MCHR2: variants seen among roughly 807,000 people sequenced by gnomAD.
The protein encoded by MCHR2 is melanin concentrating hormone receptor 2.
In MCHR2, 15 loss-of-function variants were observed where a neutral mutation model predicts 24.8. That is an observed-to-expected ratio of 0.60 (90% CI 0.40 to 0.93). MCHR2 has a LOEUF of 0.93. MCHR2 is among the 40% of genes least tolerant of loss of function. The pLI, the probability that MCHR2 is intolerant of heterozygous loss-of-function variation, is 0.00. For synonymous variants in MCHR2, 151 were observed against 147.6 expected (o/e 1.02, Z -0.17); for missense variants, 386 against 408.7 (o/e 0.94, Z 0.48).
At chr6:99,956,490 A>G (rs979567198) in intron 1 of MCHR2, among the ~76,000 whole-genome samples, 2 of 152,116 alleles carry the variant, frequency 1.3e-5, no homozygotes, top group African/African-American at 4.8e-5. Flanking sequence ...TTGTTTACAG[A>G]TCACGTCTAT....
At chr6:99,968,912 A>G (rs1775342536) in intron 1 of MCHR2, among the ~76,000 whole-genome samples, 1 of 152,186 alleles carries the variant, frequency 6.6e-6, no homozygotes, top group Non-Finnish European at 1.5e-5. Flanking sequence ...ATTTAAAAAT[A>G]TATTGAACTG....
At chr6:99,947,675 C>T (rs1400807059) in intron 3 of MCHR2, 87 bp downstream of exon 3, 4 of 1,389,926 alleles carry the variant, frequency 2.9e-6, no homozygotes, top group Admixed American at 2.1e-5. Context: ...CTGTTATAAA[C>T]CAAAACTGGT....
At chr6:99,976,493 G>T (rs1775554431) in intron 1 of MCHR2, among the ~76,000 whole-genome samples, 1 of 152,232 alleles carries the variant, frequency 6.6e-6, no homozygotes, top group Admixed American at 6.5e-5. Context: ...GAGCAGAACT[G>T]CTGTAGGCCC....
chr6:99,967,296 AC>A (rs1775312844), intron 1 of MCHR2, among the ~76,000 whole-genome samples: 1 of 152,142 alleles, frequency 6.6e-6, no homozygotes, highest in African/African-American at 2.4e-5. Context: ...ATTCATGATG[AC>A]TAGGACAAGC....
chr6:99,942,019 G>T (rs1774780621), intron 4 of MCHR2, among the ~76,000 whole-genome samples: 1 of 152,028 alleles, frequency 6.6e-6, no homozygotes, highest in Non-Finnish European at 1.5e-5. Context: ...CACAGTTATT[G>T]GTCATTGGTA....
At chr6:99,975,380 A>C (rs1775527918) in intron 1 of MCHR2, among the ~76,000 whole-genome samples, 1 of 152,200 alleles carries the variant, frequency 6.6e-6, no homozygotes. Flanking sequence ...AGCCAGGTGC[A>C]GGATATAATC....
At chr6:99,940,463 T>C (rs533534268) in intron 4 of MCHR2, among the ~76,000 whole-genome samples, 50 of 152,282 alleles carry the variant, frequency 3.3e-4, no homozygotes, top group African/African-American at 1.1e-3. Flanking sequence ...GTTAAATTTC[T>C]CTGATATATT....
At chr6:99,940,524 C>T (rs941702657) in intron 4 of MCHR2, among the ~76,000 whole-genome samples, 2 of 151,922 alleles carry the variant, frequency 1.3e-5, no homozygotes, top group Non-Finnish European at 2.9e-5. Context: ...TCCTAAAAAC[C>T]ACTATTTTGA....
At chr6:99,927,498 CT>C (rs1774394659) in intron 5 of MCHR2, among the ~76,000 whole-genome samples, 1 of 152,082 alleles carries the variant, frequency 6.6e-6, no homozygotes, top group South Asian at 2.1e-4. Context: ...TCTTTGTATC[CT>C]CTTTTATTTC....
At chr6:99,928,984 A>C (rs892725333) in intron 5 of MCHR2, among the ~76,000 whole-genome samples, 54 of 151,530 alleles carry the variant, frequency 3.6e-4, no homozygotes, top group Non-Finnish European at 7.1e-4. Context: ...TAGTGCTATA[A>C]ATTTCCCTCT....
At chr6:99,950,529 A>G (rs1562124940) in intron 2 of MCHR2, among the ~76,000 whole-genome samples, 1 of 152,150 alleles carries the variant, frequency 6.6e-6, no homozygotes, top group Admixed American at 6.5e-5. Flanking sequence ...AAATTATGGT[A>G]TTTCCACACT....
intron 1 of MCHR2, among the ~76,000 whole-genome samples, chr6:99,967,508 A>G (rs760344063): frequency 3.5e-4 from 54 of 152,194 alleles, no homozygotes; most frequent in Non-Finnish European, 6.3e-4. Flanking sequence ...CATAAACCCT[A>G]AAATAATTAT....
intron 5 of MCHR2, among the ~76,000 whole-genome samples, chr6:99,930,182 C>T (rs1176914242): frequency 6.6e-6 from 1 of 152,152 alleles, no homozygotes; most frequent in Non-Finnish European, 1.5e-5. Flanking sequence ...TTTCTCCTGG[C>T]TTGTAGGGTT....
At chr6:99,925,851 T>C (rs961020213) in intron 5 of MCHR2, among the ~76,000 whole-genome samples, 1 of 151,500 alleles carries the variant, frequency 6.6e-6, no homozygotes, top group African/African-American at 2.4e-5. Flanking sequence ...ATTATTATTA[T>C]ACTTTAAGTT....
At chr6:99,992,719 T>G (rs1775908562) in intron 1 of MCHR2, among the ~76,000 whole-genome samples, 1 of 152,252 alleles carries the variant, frequency 6.6e-6, no homozygotes, top group Admixed American at 6.5e-5. Flanking sequence ...AGTCTAATAG[T>G]CTGTGTTAGG....
intron 4 of MCHR2, among the ~76,000 whole-genome samples, chr6:99,939,563 A>G (rs945258923): frequency 1.3e-5 from 2 of 151,964 alleles, no homozygotes; most frequent in African/African-American, 4.8e-5. Flanking sequence ...ACCATTTTTG[A>G]TAGATTTGTC....
chr6:99,922,154 T>C (rs1318056108), intron 5 of MCHR2, among the ~76,000 whole-genome samples: 1 of 148,502 alleles, frequency 6.7e-6, no homozygotes, highest in Non-Finnish European at 1.5e-5. Context: ...TCGCCCAGAC[T>C]GGAGTGCAGT....
At chr6:99,978,290 G>A (rs143524652) in intron 1 of MCHR2, among the ~76,000 whole-genome samples, 5 of 152,098 alleles carry the variant, frequency 3.3e-5, no homozygotes, top group African/African-American at 1.2e-4. Context: ...ATGAAGTATT[G>A]TATTCAATGC....
intron 1 of MCHR2, among the ~76,000 whole-genome samples, chr6:99,961,607 T>C (rs11961906): frequency 3.3e-5 from 5 of 151,898 alleles, no homozygotes; most frequent in African/African-American, 7.3e-5. Context: ...ATCACAAGGA[T>C]AGAAAACCAA....
Sources: allele counts gnomAD v4.1 joint callset (sites outside exome capture counted in the v4.1 genomes callset), GRCh38; gene constraint gnomAD v4.1.1; transcripts MANE v1.5; gene names NCBI Gene and HGNC (gene_info 2026-07-23, HGNC 2026-07-21).